The following TENM2 variants were observed in gnomAD, a reference collection of about 807,000 sequenced individuals.
The protein encoded by TENM2 is teneurin transmembrane protein 2, also known as teneurin-2.
A neutral mutation model predicts 245.2 loss-of-function variants in TENM2; 52 were observed. That is an observed-to-expected ratio of 0.21 (90% CI 0.17 to 0.27). The LOEUF (loss-of-function observed/expected upper bound fraction) is 0.27, where lower values mean the gene tolerates loss of function less well. Ranked by LOEUF, TENM2 falls within the 10% of genes least tolerant of loss-of-function variation. The pLI, the probability that TENM2 is intolerant of heterozygous loss-of-function variation, is 1.00. For missense variants in TENM2, 3,046 were observed against 3,666.8 expected (o/e 0.83, Z 4.37); for synonymous variants, 1,363 against 1,438.9 (o/e 0.95, Z 1.19).
intron 2 of TENM2, among the ~76,000 whole-genome samples, chr5:167,837,971 G>C (rs1307534407): frequency 6.6e-6 from 1 of 152,120 alleles, no homozygotes; most frequent in African/African-American, 2.4e-5. Context: ...GTTCCCCTCA[G>C]AATGTCCAAG....
chr5:167,890,635 T>C (rs553690168), intron 3 of TENM2, among the ~76,000 whole-genome samples: 1 of 152,292 alleles, frequency 6.6e-6, no homozygotes, highest in South Asian at 2.1e-4. Context: ...ACCTGCATTA[T>C]GTCATGGCCA....
At chr5:168,007,340 G>C (rs773389702) in intron 5 of TENM2, among the ~76,000 whole-genome samples, 1 of 152,106 alleles carries the variant, frequency 6.6e-6, no homozygotes, top group Non-Finnish European at 1.5e-5. Flanking sequence ...TGTTGGCCAG[G>C]CTCGTCTCGG....
chr5:167,165,992 C>T, the TENM2 span, among the ~76,000 whole-genome samples: 1 of 152,088 alleles, frequency 6.6e-6, no homozygotes, highest in African/African-American at 2.4e-5. Flanking sequence ...AGTTTCTGAG[C>T]CTCAATTTTC....
chr5:167,180,900 A>C, the TENM2 span, among the ~76,000 whole-genome samples: 2 of 151,820 alleles, frequency 1.3e-5, no homozygotes, highest in Non-Finnish European at 2.9e-5. Flanking sequence ...TGGAGGAGGT[A>C]AAAGGGGAGC....
At chr5:167,979,892 C>T (rs181354769) in intron 4 of TENM2, among the ~76,000 whole-genome samples, 2 of 152,116 alleles carry the variant, frequency 1.3e-5, no homozygotes, top group Non-Finnish European at 2.9e-5. Flanking sequence ...TGACGGGATT[C>T]CTTGAAAAGG....
intron 1 of TENM2, among the ~76,000 whole-genome samples, chr5:167,362,262 G>T (rs1759763447): frequency 6.6e-6 from 1 of 152,170 alleles, no homozygotes. Flanking sequence ...TTTTTTATAA[G>T]CTCAATGGCT....
At chr5:167,000,258 G>A in the TENM2 span, among the ~76,000 whole-genome samples, 1 of 152,096 alleles carries the variant, frequency 6.6e-6, no homozygotes, top group African/African-American at 2.4e-5. Context: ...ACAGAAATTA[G>A]AAAGATCAAG....
chr5:167,855,749 AGAAG>A (rs1182966217), intron 2 of TENM2, among the ~76,000 whole-genome samples: 13 of 92,430 alleles, frequency 1.4e-4, no homozygotes, highest in African/African-American at 5.4e-4. Flanking sequence ...GAAGAAGGAA[AGAAG>A]GAAGGAAGGG....
rs1003378130 is a variant in TENM2, at chr5:167,686,743, C to T, written c.503-189243C>T. On this transcript the variant is annotated intron_variant, in intron 2 of 28. Coordinates refer to ENST00000518659, the Ensembl canonical transcript of TENM2. ...AGACCACTTGAGGTTTGCTGGGATG[C>T]CTGGAGCCATTAGAGATGACTTAGA... Among the ~76,000 whole-genome samples the T allele has an allele frequency of 5.2e-4, 79 of 152,094 alleles. 1 individual carries two copies. The highest frequency in any genetic ancestry group is 5.0e-3 in the Admixed American group (77 of 15,270).
At chr5:167,368,534 C>T (rs746162166) in intron 1 of TENM2, among the ~76,000 whole-genome samples, 2 of 152,016 alleles carry the variant, frequency 1.3e-5, no homozygotes, top group Non-Finnish European at 2.9e-5. Context: ...CGCGATATGA[C>T]CAATGATTTT....
At chr5:166,987,037 C>T in the TENM2 span, among the ~76,000 whole-genome samples, 4 of 152,080 alleles carry the variant, frequency 2.6e-5, no homozygotes, top group Non-Finnish European at 5.9e-5. Flanking sequence ...AGATAGAGAG[C>T]CTGAACTCTT....
At chr5:167,356,830 C>A (rs1009382546) in intron 1 of TENM2, among the ~76,000 whole-genome samples, 4 of 152,154 alleles carry the variant, frequency 2.6e-5, no homozygotes, top group African/African-American at 9.7e-5. Flanking sequence ...CTTCATCAAC[C>A]CCTTTCTCCA....
intron 7 of TENM2, among the ~76,000 whole-genome samples, chr5:168,079,330 G>T (rs1468044040): frequency 1.3e-5 from 2 of 152,192 alleles, no homozygotes; most frequent in Non-Finnish European, 2.9e-5. Context: ...GAGATTTTGG[G>T]CTGAGACAAT....
At chr5:167,533,417 A>T (rs1359596772) in intron 2 of TENM2, among the ~76,000 whole-genome samples, 1 of 152,056 alleles carries the variant, frequency 6.6e-6, no homozygotes, top group Non-Finnish European at 1.5e-5. Context: ...GAAATTGGCC[A>T]GGTGGTTGTT....
At chr5:167,671,697 A>G (rs1320386207) in intron 2 of TENM2, among the ~76,000 whole-genome samples, 6 of 151,448 alleles carry the variant, frequency 4.0e-5, no homozygotes, top group African/African-American at 1.2e-4. Flanking sequence ...CACCTATAAT[A>G]TAGGTATATT....
the TENM2 span, among the ~76,000 whole-genome samples, chr5:167,025,316 T>A: frequency 6.6e-6 from 1 of 152,194 alleles, no homozygotes; most frequent in Non-Finnish European, 1.5e-5. Flanking sequence ...TTTACTCACA[T>A]CTTAATTCAG....
the TENM2 span, among the ~76,000 whole-genome samples, chr5:167,093,187 G>T: frequency 6.6e-6 from 1 of 152,154 alleles, no homozygotes; most frequent in Admixed American, 6.5e-5. Flanking sequence ...GAATGCTCCA[G>T]TCAGTTCTGG....
At chr5:167,463,935 C>T (rs1011791161) in intron 2 of TENM2, among the ~76,000 whole-genome samples, 2 of 152,136 alleles carry the variant, frequency 1.3e-5, no homozygotes, top group African/African-American at 2.4e-5. Flanking sequence ...AGAATGTTTG[C>T]TGTGCTGATG....
At chr5:167,180,103 C>CTTTTTTTTTTTTTT in the TENM2 span, among the ~76,000 whole-genome samples, 2 of 114,978 alleles carry the variant, frequency 1.7e-5, no homozygotes, top group African/African-American at 8.4e-5. Context: ...TAAGTGCTTC[C>CTTTTTTTTTTTTTT]TTTTTTTTTT....
Sources: gnomAD v4.1 joint callset for allele counts (sites outside exome capture counted in the v4.1 genomes callset) on GRCh38, gnomAD v4.1.1 for gene constraint, MANE v1.5 for transcripts, NCBI Gene and HGNC (gene_info 2026-07-23, HGNC 2026-07-21) for gene names.